Variants in MMP1 observed in about 807,000 individuals in gnomAD.
MMP1 encodes matrix metallopeptidase 1, also known as interstitial collagenase.
MMP1 carries 51 observed loss-of-function variants against 49.6 expected under a neutral mutation model. The ratio of observed to expected loss-of-function variants is 1.03; its 90% CI spans 0.82 to 1.30. MMP1 has a LOEUF of 1.30. Ranked by LOEUF, MMP1 falls within the 50% of genes most tolerant of loss-of-function variation. The pLI is 0.00. For synonymous variants in MMP1, 230 were observed against 196.8 expected (o/e 1.17, Z -1.41); for missense variants, 623 against 568.7 (o/e 1.10, Z -0.97).
At chr11:102,797,926 A>T (rs1177842155) in intron 1 of MMP1, 62 bp downstream of exon 1, 2 of 1,275,014 alleles carry the variant, frequency 1.6e-6, no homozygotes, top group Non-Finnish European at 1.1e-6. Flanking sequence ...ACTCTATTAC[A>T]TTACTGCAGA....
rs1353503885 is a variant in MMP1, at chr11:102,797,153, A to G, written c.360T>C (p.Asn120=). Residue 120 remains asparagine (N), a synonymous_variant, in exon 3 of 10, where the codon AAT becomes AAC. Coordinates refer to ENST00000315274, the MANE Select transcript of MMP1 (RefSeq NM_002421.4). ...EQTHLTYRIE[N]YTPDLPRADV... ...CTGCTCTTGGCAAATCTGGCGTGTAATTTTCAATCCTTAGAATGAAACAAA... is the reference window on the plus strand; with the variant it reads ...CTGCTCTTGGCAAATCTGGCGTGTAGTTTTCAATCCTTAGAATGAAACAAA... The G allele has an allele frequency of 1.9e-6, 3 of 1,614,042 alleles. No homozygotes were observed. Among genetic ancestry groups the G allele is most frequent in the South Asian group, 2.2e-5 (2 of 91,048 alleles).
At position 102,794,339 on chromosome 11, in the gene MMP1, C is replaced by T. The variant is rs1025743033; in HGVS notation, c.899+835G>A. On this transcript the variant is annotated intron_variant, in intron 6 of 9. Transcript: ENST00000315274. This position sits in a 1 kb window ranked among gnomAD's most constrained non-coding sequence, Gnocchi z 4.3. ...CCACCCTGAATTTCTATGTGTTGAT[C>T]TTTCTGTGGACTGCATCATTCACCA... Among the ~76,000 whole-genome samples, 1 of 152,096 alleles carries T rather than the reference C, an allele frequency of 6.6e-6. No individual in the cohort carries two copies. Among genetic ancestry groups the T allele is most frequent in the Non-Finnish European group, 1.5e-5 (1 of 68,002 alleles).
intron 3 of MMP1, 98 bp from the exon 4 acceptor site, chr11:102,796,887 T>C: frequency 6.5e-7 from 1 of 1,537,806 alleles, no homozygotes; most frequent in Non-Finnish European, 8.8e-7. Context: ...CAGACTTCCA[T>C]CAACTGTGAT....
chr11:102,796,782 C>G lies in MMP1; in HGVS notation c.507G>C (p.Arg169=), dbSNP rs756073057. 15 of 1,612,582 alleles carry G rather than the reference C, an allele frequency of 9.3e-6. No individual in the cohort carries two copies. In the Admixed American group the frequency reaches 2.5e-4, roughly 27 times the overall value. The change falls in exon 4 of 10, where the codon CGG becomes CGC. Residue 169 remains arginine, a synonymous_variant. Transcript: ENST00000315274. ...IMISFVRGDH[R]DNSPFDGPGG... is the part of the protein sequence containing the mutation. The stretch of plus-strand genomic sequence containing the variant: ...CAGGTCCATCAAAAGGAGAGTTGTC[C>G]CGATGATCTGAAAGAAACAATTCAA...
chr11:102,795,044 G>A, intron 6 of MMP1, 130 bp downstream of exon 6: 1 of 791,476 alleles, frequency 1.3e-6, no homozygotes, highest in Non-Finnish European at 2.2e-6. Flanking sequence ...AAATGCATGT[G>A]GTTGCTACCA....
rs544664988 is a variant in MMP1 at position 102,790,848 on chromosome 11, C to A, written c.1197-42G>T. On this transcript the variant is annotated intron_variant, in intron 8 of 9. Coordinates refer to ENST00000315274, the MANE Select transcript of MMP1 (RefSeq NM_002421.4). ...TAAGAGTGTCAGACCTTTTGCTAAA[C>A]ATGTGCACTCTGAAAATCATTACAG... is the stretch of plus-strand genomic sequence containing the variant. 1.3e-5 allele frequency: 14 copies of A among 1,042,446 alleles called. No individual in the cohort carries two copies. In the East Asian group the frequency reaches 3.1e-4, roughly 23 times the overall value. 64.6% of individuals were successfully genotyped at this position (1,042,446 alleles called of 1,614,324 possible).
At chr11:102,793,978 G>A (rs1215854773) in intron 6 of MMP1, among the ~76,000 whole-genome samples, 1 of 152,138 alleles carries the variant, frequency 6.6e-6, no homozygotes, top group Non-Finnish European at 1.5e-5. Flanking sequence ...AGCCTTTCAT[G>A]TCTCCTCGAC....
Position 102,795,480 on chromosome 11 carries a change from A to T in MMP1, c.753T>A (p.Asp251Glu). Reference sequence around the variant, plus strand: ...ATATGGCTTGGATGCCATCAATGTCATCCTGAGCTAGCTGAACATCACCAC... The same window carrying T: ...ATATGGCTTGGATGCCATCAATGTCTTCCTGAGCTAGCTGAACATCACCAC... ...TFSGDVQLAQ[D>E]DIDGIQAIYG... The change falls in exon 5 of 10, where the codon GAT becomes GAA. Residue 251 changes from aspartate to glutamate, a missense_variant. Asp to Glu is a conservative substitution (Grantham distance 45). Transcript: ENST00000315274. 6.2e-7 allele frequency: 1 copy of T among 1,614,052 alleles called. No individual in the cohort carries two copies. The highest frequency in any genetic ancestry group is 1.7e-4 in the Middle Eastern group (1 of 6,058).
rs776427867 is a variant in MMP1, at chr11:102,795,784, G to A, written c.626-177C>T. 5.3e-5 allele frequency among the ~76,000 whole-genome samples: 8 copies of A among 152,164 alleles called. No homozygotes were observed. In the Middle Eastern group the frequency reaches 0.01, roughly 194 times the overall value. On this transcript the variant is annotated intron_variant, in intron 4 of 9. Coordinates refer to ENST00000315274, the MANE Select transcript of MMP1 (RefSeq NM_002421.4). ...CAGAAGGCATGCATTTATTAATAAC[G>A]AAGAGACATGTTGAAACCTAAACTC...
intron 3 of MMP1, 84 bp downstream of exon 3, chr11:102,796,930 A>T (rs1858209460): frequency 6.5e-7 from 1 of 1,543,152 alleles, no homozygotes; most frequent in Non-Finnish European, 8.8e-7. Context: ...TAAAATCAAC[A>T]TTCATCTTAA....
At chr11:102,793,815 A>G (rs573952372) in intron 6 of MMP1, among the ~76,000 whole-genome samples, 1 of 152,314 alleles carries the variant, frequency 6.6e-6, no homozygotes, top group Admixed American at 6.5e-5. Context: ...ACAGCACAGC[A>G]TAGACTGTTA....
At chr11:102,792,348 G>T (rs1219920723) in intron 7 of MMP1, among the ~76,000 whole-genome samples, 1 of 152,204 alleles carries the variant, frequency 6.6e-6, no homozygotes, top group East Asian at 1.9e-4. Context: ...AGTTTGTGCA[G>T]AAAATATTTT....
chr11:102,796,082 C>T (rs533795379), intron 4 of MMP1, among the ~76,000 whole-genome samples: 64 of 152,264 alleles, frequency 4.2e-4, no homozygotes, highest in African/African-American at 1.3e-3. Flanking sequence ...TCCTGAGTAG[C>T]TGAGATTACA....
chr11:102,796,968 A>C (rs952145982), intron 3 of MMP1, 46 bp downstream of exon 3: 2 of 1,575,682 alleles, frequency 1.3e-6, no homozygotes, highest in Admixed American at 1.8e-5. Context: ...CAAAGCTACG[A>C]GATCTAGGGG....
chr11:102,797,013 C>G lies in MMP1; in HGVS notation c.499+1G>C, dbSNP rs1195774285. ...GTTAAGGTGCTATAAGAAGAACTTA[C>G]CTCCCCTGACAAAAGATATCATGAT... On this transcript the variant is annotated splice_donor_variant, in intron 3 of 9. Transcript: ENST00000315274. LOFTEE classifies it high-confidence loss of function. The G allele has an allele frequency of 6.2e-7, 1 of 1,611,696 alleles. No homozygotes were observed.
chr11:102,797,992 A>G lies in MMP1; in HGVS notation c.101T>C (p.Val34Ala). Residue 34 changes from valine to alanine, a missense_variant, in exon 1 of 10, where the codon GTC (valine) becomes GCC (alanine). Transcript: ENST00000315274. Reference sequence around the variant, plus strand: ...CACATGCAATGCAGCATTTACCTGGACTAAGTCCACATCTTGCTCTTGTGT... The same window carrying G: ...CACATGCAATGCAGCATTTACCTGGGCTAAGTCCACATCTTGCTCTTGTGT... ...LETQEQDVDL[V>A]QKYLEKYYNL... 6.2e-7 allele frequency: 1 copy of G among 1,609,938 alleles called. No homozygotes were observed. Among genetic ancestry groups the G allele is most frequent in the South Asian group, 1.1e-5 (1 of 90,860 alleles).
In MMP1 at chr11:102,798,110, T is replaced by C. The variant is rs751399645; in HGVS notation, c.-18A>G. ...CTGTGCATACTGGCCTTTGTCTTCT[T>C]TCTCAGTGCAAGGTAAGTGATGGCT... On this transcript the variant is annotated 5_prime_UTR_variant, in exon 1 of 10. Coordinates refer to ENST00000315274, the MANE Select transcript of MMP1 (RefSeq NM_002421.4). 14 of 1,596,262 alleles carry C rather than the reference T, an allele frequency of 8.8e-6. No homozygotes were observed. Among genetic ancestry groups the C allele is most frequent in the Admixed American group, 1.7e-5 (1 of 58,934 alleles).
At chr11:102,795,659 G>A in intron 4 of MMP1, 52 bp from the exon 5 acceptor site, 2 of 1,465,588 alleles carry the variant, frequency 1.4e-6, no homozygotes, top group Non-Finnish European at 1.8e-6. Context: ...ATTCAGTTTT[G>A]AGGCATTTAA....
rs1444837734 is a variant in MMP1, at chr11:102,790,266, A to AAATATGC, written c.*139_*145dup. 6 of 527,358 alleles carry AAATATGC rather than the reference A, an allele frequency of 1.1e-5. No homozygotes were observed. Among genetic ancestry groups the AAATATGC allele is most frequent in the Non-Finnish European group, 1.7e-5 (5 of 297,458 alleles). 32.7% of individuals were successfully genotyped at this position (527,358 alleles called of 1,614,324 possible). A position where few individuals can be genotyped will look rare whatever the true frequency, so the allele number is the denominator to read the frequency against. ...AAGGGCTACATTCTAAATAGTAAAAAAATATGCAAACTGAGGTATAAATAA... is the reference window on the plus strand; with the variant it reads ...AAGGGCTACATTCTAAATAGTAAAAAAATATGCAATATGCAAACTGAGGTATAAATAA... On this transcript the variant is annotated 3_prime_UTR_variant, in exon 10 of 10. Coordinates refer to ENST00000315274, the MANE Select transcript of MMP1 (RefSeq NM_002421.4).
Sources: gnomAD v4.1 joint callset for allele counts (sites outside exome capture counted in the v4.1 genomes callset) on GRCh38, gnomAD v4.1.1 for gene constraint, Gnocchi (gnomAD v3.1) non-coding constraint, MANE v1.5 for transcripts, NCBI Gene and HGNC (gene_info 2026-07-23, HGNC 2026-07-21) for gene names.